Variants in ERBB4 observed in about 807,000 individuals in gnomAD.
ERBB4 encodes receptor tyrosine-protein kinase erbB-4.
ERBB4 carries 42 observed loss-of-function variants against 158.0 expected under a neutral mutation model. That is an observed-to-expected ratio of 0.27 (90% confidence interval 0.21 to 0.34). ERBB4 has a LOEUF of 0.34. Among genes scored for constraint, ERBB4 ranks in the 10% least tolerant of loss-of-function variants. The pLI, the probability that ERBB4 is intolerant of heterozygous loss-of-function variation, is 1.00. For synonymous variants in ERBB4, 583 were observed against 558.7 expected, an observed-to-expected ratio of 1.04 and a Z score of -0.61; for missense variants, 1,333 against 1,624.1, an observed-to-expected ratio of 0.82 and a Z score of 3.08.
chr2:211,972,407 A>G (rs924552295), intron 2 of ERBB4, among the ~76,000 whole-genome samples: 1 of 152,238 alleles, frequency 6.6e-6, no homozygotes, highest in African/African-American at 2.4e-5. Flanking sequence ...AAACTATTTT[A>G]AAATGCATGT....
At chr2:212,037,435 C>T (rs1162462297) in intron 2 of ERBB4, among the ~76,000 whole-genome samples, 2 of 152,152 alleles carry the variant, frequency 1.3e-5, no homozygotes, top group Non-Finnish European at 2.9e-5. Context: ...GTAATGACAG[C>T]ATCTCAAAAA....
intron 1 of ERBB4, among the ~76,000 whole-genome samples, chr2:212,252,292 G>A (rs1168961613): frequency 6.6e-6 from 1 of 152,016 alleles, no homozygotes; most frequent in African/African-American, 2.4e-5. Context: ...TAGAGGTAGA[G>A]GAGGTAAACA....
intron 1 of ERBB4, among the ~76,000 whole-genome samples, chr2:212,306,557 T>C (rs1423720280): frequency 6.6e-6 from 1 of 151,432 alleles, no homozygotes; most frequent in Non-Finnish European, 1.5e-5. Flanking sequence ...ATGTTAATAG[T>C]GAAATAAATT....
chr2:212,381,682 G>A (rs1425046062), intron 1 of ERBB4, among the ~76,000 whole-genome samples: 2 of 151,128 alleles, frequency 1.3e-5, no homozygotes, highest in African/African-American at 2.4e-5. Context: ...AAAAAAATCA[G>A]AGCCCCAATA....
At chr2:211,996,756 T>C (rs1180202525) in intron 2 of ERBB4, among the ~76,000 whole-genome samples, 1 of 152,206 alleles carries the variant, frequency 6.6e-6, no homozygotes, top group Non-Finnish European at 1.5e-5. Context: ...CAAGTTTGGT[T>C]CACTCATCAG....
In ERBB4 at chr2:211,428,204, G is replaced by A. The variant is rs1836716; in HGVS notation, c.2719+204C>T. On this transcript the variant is annotated intron_variant, in intron 22 of 27. Transcript: ENST00000342788. ...AACCTGCAGGTTCTGCATGTGTATCGCAGAACTTAAAATAAAATAAAATAA... is the reference window on the plus strand; with the variant it reads ...AACCTGCAGGTTCTGCATGTGTATCACAGAACTTAAAATAAAATAAAATAA... Among the ~76,000 whole-genome samples, 65 of 150,890 alleles carry A rather than the reference G, an allele frequency of 4.3e-4. No homozygotes were observed. The South Asian group carries it at 0.013, about 30-fold the overall frequency.
chr2:211,826,355 G>T (rs761380218), intron 3 of ERBB4, among the ~76,000 whole-genome samples: 1 of 151,644 alleles, frequency 6.6e-6, no homozygotes, highest in Non-Finnish European at 1.5e-5. Flanking sequence ...TGTCTTTATG[G>T]AACCTTCTAT....
chr2:211,740,051 T>C (rs1032538278), intron 5 of ERBB4, among the ~76,000 whole-genome samples: 1 of 152,196 alleles, frequency 6.6e-6, no homozygotes, highest in Non-Finnish European at 1.5e-5. Context: ...TGTTTTCTAG[T>C]CAATGAAATT....
At chr2:212,362,950 G>A (rs969125896) in intron 1 of ERBB4, among the ~76,000 whole-genome samples, 1 of 150,958 alleles carries the variant, frequency 6.6e-6, no homozygotes, top group East Asian at 1.9e-4. Context: ...AAAAATATGG[G>A]CATTTTACTG....
chr2:211,419,254 T>C (rs1240771823), intron 25 of ERBB4, among the ~76,000 whole-genome samples: 2 of 152,064 alleles, frequency 1.3e-5, no homozygotes, highest in African/African-American at 4.8e-5. Context: ...GTTTCTTCCT[T>C]TGAAAGAAGG....
intron 2 of ERBB4, among the ~76,000 whole-genome samples, chr2:212,012,439 C>T (rs1347860332): frequency 9.4e-4 from 120 of 128,272 alleles, no homozygotes; most frequent in African/African-American, 2.1e-3. Flanking sequence ...TTTTTTTTGA[C>T]GGAGTCTCAT....
At chr2:212,458,616 G>A (rs1229598802) in intron 1 of ERBB4, among the ~76,000 whole-genome samples, 3 of 151,688 alleles carry the variant, frequency 2.0e-5, no homozygotes, top group African/African-American at 7.3e-5. Flanking sequence ...CACACAATCA[G>A]GTCTCTACTG....
chr2:211,945,550 T>C (rs962748725), intron 3 of ERBB4, among the ~76,000 whole-genome samples: 6 of 152,086 alleles, frequency 3.9e-5, no homozygotes, highest in Non-Finnish European at 7.4e-5. Context: ...ATTTGTACTA[T>C]GGCAAAAGAA....
At chr2:212,241,684 T>C (rs903794165) in intron 1 of ERBB4, among the ~76,000 whole-genome samples, 15 of 152,186 alleles carry the variant, frequency 9.9e-5, no homozygotes, top group African/African-American at 3.4e-4. Context: ...CCATATCTTT[T>C]AGTTATTTGA....
At chr2:212,243,578 C>T (rs1030113800) in intron 1 of ERBB4, among the ~76,000 whole-genome samples, 3 of 151,994 alleles carry the variant, frequency 2.0e-5, no homozygotes, top group Non-Finnish European at 4.4e-5. Flanking sequence ...TTCTTTTTTT[C>T]AGAGTAAATA....
intron 2 of ERBB4, among the ~76,000 whole-genome samples, chr2:211,996,890 C>A (rs1188400673): frequency 6.6e-6 from 1 of 152,130 alleles, no homozygotes; most frequent in African/African-American, 2.4e-5. Flanking sequence ...CCAAGGTGGA[C>A]TTTGGATGCC....
intron 3 of ERBB4, among the ~76,000 whole-genome samples, chr2:211,881,589 T>C (rs748601902): frequency 5.7e-5 from 2 of 35,222 alleles, no homozygotes; most frequent in Non-Finnish European, 4.8e-5. Context: ...TAATAAAAGA[T>C]TGGGGTGGGG....
chr2:212,124,010 C>T (rs2079841021), intron 2 of ERBB4, among the ~76,000 whole-genome samples: 1 of 152,100 alleles, frequency 6.6e-6, no homozygotes, highest in Non-Finnish European at 1.5e-5. Context: ...AGACCACATC[C>T]CCATCTCACT....
chr2:211,669,440 G>C (rs2071756957), intron 14 of ERBB4, among the ~76,000 whole-genome samples: 2 of 151,804 alleles, frequency 1.3e-5, no homozygotes, highest in Admixed American at 1.3e-4. Flanking sequence ...TTCTTTTGCT[G>C]CCTCTCTAGC....
Sources: allele counts gnomAD v4.1 joint callset (sites outside exome capture counted in the v4.1 genomes callset), GRCh38; gene constraint gnomAD v4.1.1; transcripts MANE v1.5; gene names NCBI Gene and HGNC (gene_info 2026-07-23, HGNC 2026-07-21).